Variants in PACSIN2 observed in about 807,000 individuals in gnomAD.
PACSIN2 encodes protein kinase C and casein kinase substrate in neurons 2.
A neutral mutation model predicts 63.8 loss-of-function variants in PACSIN2; 25 were observed. The observed-to-expected ratio is 0.39, with a 90% CI of 0.29 to 0.55. The LOEUF is 0.55. PACSIN2 is among the 20% of genes least tolerant of loss of function. The probability of loss-of-function intolerance (pLI) is 0.62; values close to 1 mark genes in which losing one functional copy is unlikely to be tolerated. For synonymous variants in PACSIN2, 255 were observed against 256.2 expected (o/e 1.00, Z 0.05); for missense variants, 518 against 646.9 (o/e 0.80, Z 2.16).
intron 4 of PACSIN2, 98 bp from the exon 5 acceptor site, chr22:42,888,896 G>C (rs1602188066): frequency 8.1e-7 from 1 of 1,231,758 alleles, no homozygotes; most frequent in East Asian, 2.3e-5. Context: ...CTACCAAGAG[G>C]GGAGAAAAAG....
At position 42,871,526 on chromosome 22, in the gene PACSIN2, C is replaced by T; in HGVS notation, c.1349-57G>A. On this transcript the variant is annotated intron_variant, in intron 10 of 10. Coordinates refer to ENST00000263246, the MANE Select transcript of PACSIN2 (RefSeq NM_001184970.3). The surrounding 1 kb of genome is among the most constrained non-coding windows in gnomAD (Gnocchi z 5.4). The stretch of plus-strand genomic sequence containing the variant: ...GAGGTATGACACCGACGGTGGGCTA[C>T]AGAGCCGCATTCACGAGCTTTGAGC... 1.5e-6 allele frequency: 2 copies of T among 1,341,958 alleles called. No homozygotes were observed. The highest frequency in any genetic ancestry group is 4.6e-5 in the East Asian group (2 of 43,626). The allele number at this position is 1,341,958 out of a possible 1,614,324, so 83.1% of individuals were successfully genotyped here.
intron 1 of PACSIN2, among the ~76,000 whole-genome samples, chr22:42,967,875 G>A (rs778786709): frequency 8.5e-5 from 13 of 152,308 alleles, no homozygotes; most frequent in Admixed American, 2.6e-4. Context: ...GCCGCAGAGC[G>A]AGACTCCATC....
At chr22:42,954,133 T>A (rs138312154) in intron 1 of PACSIN2, among the ~76,000 whole-genome samples, 1,689 of 152,216 alleles carry the variant, frequency 0.011, 29 homozygotes, top group African/African-American at 0.038. Flanking sequence ...CATGGTGACA[T>A]GTGCCTATAG....
At chr22:42,979,672 T>C (rs996274716) in intron 1 of PACSIN2, among the ~76,000 whole-genome samples, 8 of 152,210 alleles carry the variant, frequency 5.3e-5, no homozygotes, top group Non-Finnish European at 1.0e-4. Flanking sequence ...TCCTTCCTCC[T>C]GGGAGTATAT....
intron 1 of PACSIN2, among the ~76,000 whole-genome samples, chr22:42,983,129 C>A (rs1922340199): frequency 6.6e-6 from 1 of 151,718 alleles, no homozygotes. Flanking sequence ...CCAGCCTGGC[C>A]AACATGGTAA....
In PACSIN2 at chr22:42,884,631, G is replaced by A. The variant is rs151153761; in HGVS notation, c.610-70C>T. 404 of 1,302,894 alleles carry A rather than the reference G, an allele frequency of 3.1e-4. 2 individuals are homozygous for A. The African/African-American group carries it at 5.4e-3, about 18-fold the overall frequency. 80.7% of individuals were successfully genotyped at this position (1,302,894 alleles called of 1,614,324 possible). A position where few individuals can be genotyped will look rare whatever the true frequency, so the allele number is the denominator to read the frequency against. On this transcript the variant is annotated intron_variant, in intron 5 of 10. Transcript: ENST00000263246. ...GCCCTTGGCTCACCCTGCCCCTGGA[G>A]TGTCTCAGGCCTTCCCAGATTCCAA...
At chr22:42,949,993 C>A (rs1933608985) in intron 1 of PACSIN2, among the ~76,000 whole-genome samples, 1 of 152,162 alleles carries the variant, frequency 6.6e-6, no homozygotes, top group African/African-American at 2.4e-5. Context: ...CATGCAGGCC[C>A]TGCGGTCCAG....
chr22:42,917,978 TC>T (rs935831510), intron 1 of PACSIN2, among the ~76,000 whole-genome samples: 3 of 152,184 alleles, frequency 2.0e-5, no homozygotes, highest in Non-Finnish European at 2.9e-5. Context: ...GAACACTCAG[TC>T]CCAGGGCAAC....
intron 1 of PACSIN2, among the ~76,000 whole-genome samples, chr22:42,988,951 C>T (rs1922819105): frequency 6.6e-6 from 1 of 151,984 alleles, no homozygotes; most frequent in Non-Finnish European, 1.5e-5. Context: ...GCAATCATGG[C>T]TCACTGCAGC....
In PACSIN2 at chr22:42,891,155, G is replaced by A; in HGVS notation, c.245C>T (p.Ala82Val). 6.2e-7 allele frequency: 1 copy of A among 1,613,912 alleles called. No homozygotes were observed. The highest frequency in any genetic ancestry group is 1.1e-5 in the South Asian group (1 of 91,078). ...TGCCTCGGACATGAAGGCCATCCAG[G>A]CCTTCTCCACGGTCCCGTACTGGGG... is the stretch of plus-strand genomic sequence containing the variant. ...KGPQYGTVEK[A>V]WMAFMSEAER... Residue 82 changes from alanine to valine, a missense_variant, in exon 4 of 11, where the codon GCC becomes GTC. Transcript: ENST00000263246.
intron 1 of PACSIN2, among the ~76,000 whole-genome samples, chr22:42,931,787 C>CCAGG (rs780152565): frequency 5.9e-5 from 9 of 152,098 alleles, no homozygotes; most frequent in Non-Finnish European, 1.2e-4. Context: ...TGGTTAACAA[C>CCAGG]CAGGGTATAT....
At chr22:42,893,410 G>C in intron 3 of PACSIN2, 47 bp downstream of exon 3, 2 of 1,591,504 alleles carry the variant, frequency 1.3e-6, no homozygotes, top group Non-Finnish European at 1.7e-6. Flanking sequence ...CCCCCGGCTG[G>C]GGTGTAGCTG....
chr22:42,879,072 T>C lies in PACSIN2; in HGVS notation c.1004A>G (p.Gln335Arg), dbSNP rs1402882232. 2.5e-6 allele frequency: 4 copies of C among 1,614,100 alleles called. No individual in the cohort carries two copies. The highest frequency in any genetic ancestry group is 1.1e-5 in the South Asian group (1 of 91,088). ...CCTGCTGGGCTTACTCGGCAGAGAC[T>C]GGTCGCCTGTCTGGTTGATGCCCGT... The part of the protein sequence containing the change: ...TLTGINQTGD[Q>R]SLPSKPSSTL... The change falls in exon 8 of 11, where the codon CAG (glutamine) becomes CGG (arginine). Residue 335 changes from glutamine to arginine, a missense_variant. By Grantham distance (43) the Gln-to-Arg change is conservative (BLOSUM62 1). Coordinates refer to ENST00000263246, the MANE Select transcript of PACSIN2 (RefSeq NM_001184970.3).
intron 1 of PACSIN2, among the ~76,000 whole-genome samples, chr22:43,003,144 A>G (rs1341636567): frequency 6.6e-6 from 1 of 152,242 alleles, no homozygotes; most frequent in African/African-American, 2.4e-5. Flanking sequence ...GGCAGGGAAT[A>G]GGTTACTTGA....
chr22:42,956,941 A>T (rs1215150858), intron 1 of PACSIN2, among the ~76,000 whole-genome samples: 1 of 152,234 alleles, frequency 6.6e-6, no homozygotes, highest in African/African-American at 2.4e-5. Flanking sequence ...AAGGTCAATT[A>T]TACACTAAGA....
chr22:42,886,858 C>T (rs917090627), intron 5 of PACSIN2, among the ~76,000 whole-genome samples: 2 of 152,120 alleles, frequency 1.3e-5, no homozygotes, highest in Admixed American at 6.5e-5. Context: ...CTGCCAGGCG[C>T]TTATGTCCAA....
chr22:42,990,216 G>A (rs923629924), intron 1 of PACSIN2, among the ~76,000 whole-genome samples: 4 of 152,008 alleles, frequency 2.6e-5, no homozygotes, highest in African/African-American at 9.7e-5. Context: ...CATGAGGGCA[G>A]CCCTGGGCAC....
intron 1 of PACSIN2, among the ~76,000 whole-genome samples, chr22:42,937,951 A>C (rs1321966017): frequency 6.6e-6 from 1 of 152,236 alleles, no homozygotes; most frequent in Non-Finnish European, 1.5e-5. Context: ...CAGCGGTAGA[A>C]GTCTCACCTG....
At chr22:42,890,798 T>G in intron 4 of PACSIN2, 149 bp downstream of exon 4, 5 of 626,880 alleles carry the variant, frequency 8.0e-6, no homozygotes, top group Non-Finnish European at 1.4e-5. Flanking sequence ...ACCATGGGCT[T>G]CTAGCCTGAG....
Sources: gnomAD v4.1 joint callset for allele counts (sites outside exome capture counted in the v4.1 genomes callset) on GRCh38, gnomAD v4.1.1 for gene constraint, Gnocchi (gnomAD v3.1) non-coding constraint, MANE v1.5 for transcripts, NCBI Gene and HGNC (gene_info 2026-07-23, HGNC 2026-07-21) for gene names.